The following USP42 variants were observed in gnomAD, a reference collection of about 807,000 sequenced individuals.
The protein encoded by USP42 is ubiquitin specific peptidase 42.
Under a neutral mutation model 113.0 loss-of-function variants are expected in USP42, and 23 were observed. The observed-to-expected ratio is 0.20, with a 90% confidence interval of 0.15 to 0.29. USP42 has a LOEUF of 0.29. USP42 is among the 10% of genes least tolerant of loss of function. The pLI, the probability that USP42 is intolerant of heterozygous loss-of-function variation, is 1.00. For missense variants in USP42, 2,174 were observed against 1,779.8 expected, an observed-to-expected ratio of 1.22 and a Z score of -3.99; for synonymous variants, 933 against 699.0, an observed-to-expected ratio of 1.33 and a Z score of -5.28.
chr7:6,086,489 G>C, the USP42 span, among the ~76,000 whole-genome samples: 3 of 151,064 alleles, frequency 2.0e-5, no homozygotes, highest in African/African-American at 7.4e-5. Context: ...ACAGGCGTGA[G>C]CCACCGCGCC....
chr7:6,089,510 C>T, the USP42 span, among the ~76,000 whole-genome samples: 1 of 150,248 alleles, frequency 6.7e-6, no homozygotes, highest in East Asian at 1.9e-4. Flanking sequence ...GACCCTGGAC[C>T]CCGTCCCTGC....
In USP42 at chr7:6,114,656, G is replaced by GTATATATATATATATATA. The variant is rs71008362; in HGVS notation, c.242-661_242-644dup. ...TGTGTGTATATATGTATGTGTGTGT[G>GTATATATATATATATATA]TATATATATATATATATATATATTT... is the stretch of plus-strand genomic sequence containing the variant. On this transcript the variant is annotated intron_variant, in intron 2 of 17. Transcript: ENST00000306177. 5.1e-4 allele frequency among the ~76,000 whole-genome samples: 31 copies of GTATATATATATATATATA among 60,574 alleles called. 1 individual carries two copies. Among genetic ancestry groups the GTATATATATATATATATA allele is most frequent in the East Asian group, 1.7e-3 (2 of 1,154 alleles). 39.7% of individuals were successfully genotyped at this position (60,574 alleles called of 152,430 possible).
At position 6,141,406 on chromosome 7, in the gene USP42, A is replaced by G. The variant is rs538785049; in HGVS notation, c.795+422A>G. ...TTTTAGTAGAGATGGGGTTTCACCT[A>G]TCGGCCAGGATGGTCTTGAACTCTT... On this transcript the variant is annotated intron_variant, in intron 7 of 17. Coordinates refer to ENST00000306177, the MANE Select transcript of USP42 (RefSeq NM_032172.3). Among the ~76,000 whole-genome samples, 57 of 151,888 alleles carry G rather than the reference A, an allele frequency of 3.8e-4. 1 individual carries two copies. The East Asian group carries it at 8.5e-3, about 23-fold the overall frequency.
At chr7:6,085,708 G>A in the USP42 span, among the ~76,000 whole-genome samples, 1 of 149,546 alleles carries the variant, frequency 6.7e-6, no homozygotes, top group African/African-American at 2.5e-5. Flanking sequence ...TCTGCCTCTT[G>A]AGTTCAAGCG....
the USP42 span, among the ~76,000 whole-genome samples, chr7:6,082,749 C>A: frequency 1.4e-5 from 2 of 148,034 alleles, no homozygotes; most frequent in South Asian, 4.2e-4. Flanking sequence ...TAGCTGGGAC[C>A]ACAGGTGCAC....
chr7:6,116,761 C>CTGGCATAGGTGTTAACATACCTAGGGGT (rs1779934379), intron 3 of USP42: 3 of 532,766 alleles, frequency 5.6e-6, no homozygotes, highest in Admixed American at 1.9e-5. Context: ...CCAGAATTAA[C>CTGGCATAGGTGTTAACATACCTAGGGGT]GTTCTGTTTG....
Position 6,153,753 on chromosome 7 carries a change from C to T in USP42, c.2202-3C>T. ...GGCGTGTTTGTTTGTTTGGGGGCTGCAGTGCACCTGGAGCAGAGAGGGGCC... is the reference window on the plus strand; with the variant it reads ...GGCGTGTTTGTTTGTTTGGGGGCTGTAGTGCACCTGGAGCAGAGAGGGGCC... On this transcript the variant is annotated splice_region_variant and splice_polypyrimidine_tract_variant and intron_variant, in intron 14 of 17. Transcript: ENST00000306177. 1.4e-6 allele frequency: 2 copies of T among 1,450,688 alleles called. No individual in the cohort carries two copies. The highest frequency in any genetic ancestry group is 1.8e-6 in the Non-Finnish European group (2 of 1,099,616). 89.9% of individuals were successfully genotyped at this position (1,450,688 alleles called of 1,614,324 possible).
In USP42 at chr7:6,154,914, C is replaced by T; in HGVS notation, c.3360C>T (p.Gly1120=). 5.2e-6 allele frequency: 8 copies of T among 1,548,188 alleles called. No homozygotes were observed. Among genetic ancestry groups the T allele is most frequent in the Non-Finnish European group, 7.0e-6 (8 of 1,145,586 alleles). The part of the protein sequence containing the change: ...ERHRPSSPRA[G]APHALAPHPD... ...ACCGCCCCAGCAGCCCCCGCGCAGGCGCGCCCCACGCCCTCGCCCCGCACC... is the reference window on the plus strand; with the variant it reads ...ACCGCCCCAGCAGCCCCCGCGCAGGTGCGCCCCACGCCCTCGCCCCGCACC... The change falls in exon 15 of 18, where the codon GGC becomes GGT. Residue 1120 remains glycine (G), a synonymous_variant. Coordinates refer to ENST00000306177, the MANE Select transcript of USP42 (RefSeq NM_032172.3).
At chr7:6,104,231 C>A (rs1261770745), upstream of USP42, among the ~76,000 whole-genome samples, 2 of 151,248 alleles carry the variant, frequency 1.3e-5, no homozygotes, top group African/African-American at 2.5e-5. Flanking sequence ...TACAGGCGCG[C>A]GCCACCACGC....
At chr7:6,115,591 T>G in intron 3 of USP42, 68 bp downstream of exon 3, 1 of 1,547,320 alleles carries the variant, frequency 6.5e-7, no homozygotes, top group Non-Finnish European at 8.8e-7. Context: ...TCCTCTGAAA[T>G]GAAAGTGAAG....
At chr7:6,138,017 T>C (rs1781240356) in intron 4 of USP42, among the ~76,000 whole-genome samples, 1 of 152,210 alleles carries the variant, frequency 6.6e-6, no homozygotes, top group South Asian at 2.1e-4. Flanking sequence ...ATAGCAGACA[T>C]GACTAACATT....
chr7:6,154,525 C>CAGGACCGCCACGCCCCGG lies in USP42; in HGVS notation c.2974_2991dup (p.Asp992_Glu997dup). On this transcript the variant is annotated inframe_insertion, in exon 15 of 18. Coordinates refer to ENST00000306177, the MANE Select transcript of USP42 (RefSeq NM_032172.3). ...CACCTGCCCCCGGGAGCGCGACCGC[C>CAGGACCGCCACGCCCCGG]AGGACCGCCACGCCCCGGAGCACCA... The CAGGACCGCCACGCCCCGG allele has an allele frequency of 1.3e-6, 2 of 1,542,236 alleles. No homozygotes were observed. The highest frequency in any genetic ancestry group is 1.7e-6 in the Non-Finnish European group (2 of 1,144,382).
chr7:6,119,157 G>A (rs1252075708), intron 3 of USP42, among the ~76,000 whole-genome samples: 1 of 152,244 alleles, frequency 6.6e-6, no homozygotes, highest in Non-Finnish European at 1.5e-5. Flanking sequence ...TGAGGCTGCC[G>A]TGAGCTATGA....
chr7:6,123,530 C>T (rs10243322), intron 3 of USP42, among the ~76,000 whole-genome samples: 13 of 152,078 alleles, frequency 8.5e-5, no homozygotes, highest in East Asian at 3.9e-4. Flanking sequence ...GGCGAGGTGG[C>T]GGGCGCCTGT....
At chr7:6,081,748 T>G in the USP42 span, 2 of 152,246 alleles carry the variant, frequency 1.3e-5, no homozygotes, top group African/African-American at 4.8e-5. Context: ...CTACGTGGAC[T>G]GCGGGTTCGC....
the USP42 span, among the ~76,000 whole-genome samples, chr7:6,084,902 A>T: frequency 1.3e-5 from 2 of 150,042 alleles, no homozygotes; most frequent in Non-Finnish European, 2.9e-5. Flanking sequence ...CATTTTTAGT[A>T]TAGATGGGGT....
At chr7:6,147,978 G>A (rs945407537) in intron 12 of USP42, 86 bp downstream of exon 12, 1 of 1,342,322 alleles carries the variant, frequency 7.4e-7, no homozygotes. Flanking sequence ...AGTGGTTGCT[G>A]TGTCCTCAAA....
At chr7:6,132,652 C>G (rs1780914734) in intron 3 of USP42, among the ~76,000 whole-genome samples, 1 of 151,592 alleles carries the variant, frequency 6.6e-6, no homozygotes, top group African/African-American at 2.4e-5. Context: ...AGCCACCAAG[C>G]CAGCCTATGT....
At chr7:6,104,741 C>T (rs552830187), upstream of USP42, 711 of 152,272 alleles carry the variant, frequency 4.7e-3, 2 homozygotes, top group African/African-American at 0.014. Context: ...TGACGCGCGA[C>T]GTCTGCCTTC....
Sources: allele counts gnomAD v4.1 joint callset (sites outside exome capture counted in the v4.1 genomes callset), GRCh38; gene constraint gnomAD v4.1.1; transcripts MANE v1.5; gene names NCBI Gene and HGNC (gene_info 2026-07-23, HGNC 2026-07-21).